The following ST7L variants were observed in gnomAD, a reference collection of about 807,000 sequenced individuals.
The protein encoded by ST7L is suppression of tumorigenicity 7 like, also known as suppressor of tumorigenicity 7 protein-like.
Under a neutral mutation model 72.5 loss-of-function variants are expected in ST7L, and 57 were observed. The observed-to-expected ratio is 0.79, with a 90% CI of 0.64 to 0.98. ST7L has a LOEUF of 0.98. Among genes scored for constraint, ST7L ranks in the 50% least tolerant of loss-of-function variants. The pLI is 0.00. For missense variants in ST7L, 576 were observed against 672.2 expected (o/e 0.86, Z 1.58); for synonymous variants, 221 against 240.9 (o/e 0.92, Z 0.77).
At position 112,551,138 on chromosome 1, in the gene ST7L, C is replaced by CTTT. The variant is rs567601091; in HGVS notation, c.1397-448_1397-446dup. Among the ~76,000 whole-genome samples, 94 of 77,226 alleles carry CTTT rather than the reference C, an allele frequency of 1.2e-3. 12 individuals are homozygous for CTTT. The highest frequency in any genetic ancestry group is 4.2e-3 in the African/African-American group (67 of 15,786). 50.7% of individuals were successfully genotyped at this position (77,226 alleles called of 152,430 possible). ...TCACCAAAGCTTTCTATGAGCAGAT[C>CTTT]TTTTTTTTTTTTTTTTTTTTTTTTT... On this transcript the variant is annotated intron_variant, in intron 12 of 14. Transcript: ENST00000358039.
intron 11 of ST7L, among the ~76,000 whole-genome samples, chr1:112,568,889 A>T (rs575942836): frequency 0.052 from 5,925 of 114,110 alleles, 476 homozygotes; most frequent in African/African-American, 0.19. Context: ...TATATATATA[A>T]AACAAAAATT....
chr1:112,591,080 G>A (rs1199512500), intron 6 of ST7L, among the ~76,000 whole-genome samples: 1 of 151,660 alleles, frequency 6.6e-6, no homozygotes, highest in African/African-American at 2.4e-5. Flanking sequence ...ACAGGCGCTC[G>A]CCCCCATGCC....
intron 5 of ST7L, among the ~76,000 whole-genome samples, chr1:112,592,949 G>GA (rs1325021644): frequency 1.5e-4 from 22 of 150,132 alleles, no homozygotes; most frequent in Non-Finnish European, 2.7e-4. Flanking sequence ...GGAGTTAGGA[G>GA]AAAAAAAAAG....
chr1:112,556,992 A>AAAAAAAAAAAC (rs1659288780), intron 11 of ST7L, among the ~76,000 whole-genome samples: 1 of 143,472 alleles, frequency 7.0e-6, no homozygotes, highest in African/African-American at 2.8e-5. Flanking sequence ...AAACAAAAAA[A>AAAAAAAAAAAC]AAAAAACACA....
At chr1:112,589,034 CT>C (rs552860226) in intron 6 of ST7L, among the ~76,000 whole-genome samples, 2 of 152,072 alleles carry the variant, frequency 1.3e-5, no homozygotes, top group Non-Finnish European at 2.9e-5. Context: ...TGCTGAACCC[CT>C]ATGGTAAATT....
intron 11 of ST7L, among the ~76,000 whole-genome samples, chr1:112,575,198 C>T (rs1272693142): frequency 6.6e-6 from 1 of 152,160 alleles, no homozygotes; most frequent in East Asian, 1.9e-4. Flanking sequence ...AAGATTCTGC[C>T]ACTGTACTCC....
intron 10 of ST7L, among the ~76,000 whole-genome samples, chr1:112,577,829 TTTGG>T (rs1663382707): frequency 1.3e-5 from 2 of 152,150 alleles, no homozygotes; most frequent in South Asian, 2.1e-4. Flanking sequence ...ATGGCCACTA[TTTGG>T]TTGGTTTCTG....
At chr1:112,551,138 CTTTTTTTTTTTT>C (rs567601091) in intron 12 of ST7L, among the ~76,000 whole-genome samples, 7 of 77,226 alleles carry the variant, frequency 9.1e-5, no homozygotes, top group African/African-American at 4.4e-4. Context: ...ATGAGCAGAT[CTTTTTTTTTTTT>C]TTTTTTTTTT....
chr1:112,576,465 A>G (rs779364342), intron 11 of ST7L, among the ~76,000 whole-genome samples: 6 of 152,204 alleles, frequency 3.9e-5, no homozygotes, highest in Non-Finnish European at 7.3e-5. Flanking sequence ...CAAGGTGTAC[A>G]ATATAAAGAC....
chr1:112,568,542 A>G lies in ST7L; in HGVS notation c.1245+8444T>C, dbSNP rs545243474. 1.3e-4 allele frequency among the ~76,000 whole-genome samples: 19 copies of G among 150,968 alleles called. No individual in the cohort carries two copies. In the South Asian group the frequency reaches 3.8e-3, roughly 30 times the overall value. On this transcript the variant is annotated intron_variant, in intron 11 of 14. Transcript: ENST00000358039. Reference sequence around the variant, plus strand: ...AGTAGAGACGGAGTTTCACCGTGTTAGCCAGGATGGTCTCGATCTCCTGAC... The same window carrying G: ...AGTAGAGACGGAGTTTCACCGTGTTGGCCAGGATGGTCTCGATCTCCTGAC...
chr1:112,541,951 A>T lies in ST7L; in HGVS notation c.1629T>A (p.Ala543=), dbSNP rs1656172660. 1.2e-6 allele frequency: 2 copies of T among 1,613,476 alleles called. No individual in the cohort carries two copies. The highest frequency in any genetic ancestry group is 1.7e-6 in the Non-Finnish European group (2 of 1,179,858). Residue 543 remains alanine (A), a splice_region_variant and synonymous_variant, in exon 14 of 15, where the codon GCT becomes GCA. Coordinates refer to ENST00000358039, the MANE Select transcript of ST7L (RefSeq NM_017744.5). The part of the protein sequence containing the change: ...FPEIMGIFAK[A]VLGLWCPQPW... The stretch of plus-strand genomic sequence containing the variant: ...CACAAGTCCTTGAGATCATACTTAC[A>T]GCTTTAGCAAAAATACCCATGATTT...
Position 112,576,979 on chromosome 1 carries a change from T to C in ST7L, c.1245+7A>G. ...AAAGGTAGTATTTTTATCATAAAATTTCTCACTTTTGGAACATGAGGATTA... is the reference window on the plus strand; with the variant it reads ...AAAGGTAGTATTTTTATCATAAAATCTCTCACTTTTGGAACATGAGGATTA... On this transcript the variant is annotated splice_region_variant and intron_variant, in intron 11 of 14. Transcript: ENST00000358039. The C allele has an allele frequency of 6.3e-7, 1 of 1,577,294 alleles. No homozygotes were observed. The highest frequency in any genetic ancestry group is 1.2e-5 in the South Asian group (1 of 85,348).
At chr1:112,531,459 C>G (rs1396226298) in intron 14 of ST7L, among the ~76,000 whole-genome samples, 1 of 152,180 alleles carries the variant, frequency 6.6e-6, no homozygotes, top group Non-Finnish European at 1.5e-5. Flanking sequence ...AAAGATATCT[C>G]TTTCTATATG....
chr1:112,616,053 A>C (rs1669826355), intron 2 of ST7L, among the ~76,000 whole-genome samples: 1 of 152,098 alleles, frequency 6.6e-6, no homozygotes, highest in Non-Finnish European at 1.5e-5. Context: ...GGTTCTCTTT[A>C]AATCATTTGA....
intron 2 of ST7L, among the ~76,000 whole-genome samples, chr1:112,615,440 G>A (rs1471529340): frequency 6.6e-6 from 1 of 152,166 alleles, no homozygotes. Context: ...GTTAACAGAT[G>A]AGGAAACTGG....
At chr1:112,571,445 G>C in intron 11 of ST7L, 1 of 293,462 alleles carries the variant, frequency 3.4e-6, no homozygotes, top group East Asian at 1.1e-4. Context: ...TTATTTATTT[G>C]AGACAGAGTT....
intron 11 of ST7L, among the ~76,000 whole-genome samples, chr1:112,561,518 T>C (rs1660137453): frequency 6.6e-6 from 1 of 152,140 alleles, no homozygotes; most frequent in Non-Finnish European, 1.5e-5. Context: ...TTTGCTTTTG[T>C]TGTCCAGACT....
At chr1:112,564,754 T>C (rs1282480766) in intron 11 of ST7L, among the ~76,000 whole-genome samples, 1 of 146,882 alleles carries the variant, frequency 6.8e-6, no homozygotes, top group Non-Finnish European at 1.5e-5. Context: ...GAGGCGGAGG[T>C]TGCAGTGAGC....
intron 9 of ST7L, among the ~76,000 whole-genome samples, chr1:112,578,730 C>T (rs542839777): frequency 2.8e-4 from 43 of 152,054 alleles, no homozygotes; most frequent in Non-Finnish European, 5.4e-4. Context: ...GCCAAGATTG[C>T]GCCATTGCGC....
Sources: allele counts gnomAD v4.1 joint callset (sites outside exome capture counted in the v4.1 genomes callset), GRCh38; gene constraint gnomAD v4.1.1; transcripts MANE v1.5; gene names NCBI Gene and HGNC (gene_info 2026-07-23, HGNC 2026-07-21).